ELK4: variants seen among roughly 807,000 people sequenced by gnomAD.
ELK4 encodes ETS domain-containing protein Elk-4.
In ELK4, 16 loss-of-function variants were observed where a neutral mutation model predicts 29.6. The observed-to-expected ratio is 0.54, with a 90% CI of 0.37 to 0.82. The LOEUF (loss-of-function observed/expected upper bound fraction) is 0.82. ELK4 is among the 40% of genes least tolerant of loss of function. The probability of loss-of-function intolerance (pLI) is 0.00; values close to 1 mark genes in which losing one functional copy is unlikely to be tolerated. For synonymous variants in ELK4, 213 were observed against 191.1 expected (o/e 1.11, Z -0.95); for missense variants, 465 against 507.1 (o/e 0.92, Z 0.80).
chr1:205,620,457 T>C lies in ELK4; in HGVS notation c.589A>G (p.Lys197Glu). Reference sequence around the variant, plus strand: ...GCAACAGGTTCAACCGGTGGCTTTTTGGAAGGTGTCGTGACAAATTTGATG... The same window carrying C: ...GCAACAGGTTCAACCGGTGGCTTTTCGGAAGGTGTCGTGACAAATTTGATG... ...SVIKFVTTPS[K>E]KPPVEPVAAT... Residue 197 changes from lysine to glutamate, a missense_variant, in exon 3 of 5, where the codon AAA becomes GAA. Lys to Glu is a moderately conservative substitution (Grantham distance 56, BLOSUM62 1). Around this residue, in one of 2 missense-constraint regions of ELK4, gnomAD observed 385 missense variants for 387.5 expected, o/e 0.99. Coordinates refer to ENST00000357992, the MANE Select transcript of ELK4 (RefSeq NM_001973.4). The C allele has an allele frequency of 6.2e-7, 1 of 1,614,186 alleles. No homozygotes were observed. The highest frequency in any genetic ancestry group is 8.5e-7 in the Non-Finnish European group (1 of 1,180,036).
Position 205,609,013 on chromosome 1 carries a change from T to A in ELK4, c.*7533A>T, listed in dbSNP as rs1263167735. 5.3e-6 allele frequency: 1 copy of A among 188,470 alleles called. No homozygotes were observed. Among genetic ancestry groups the A allele is most frequent in the Non-Finnish European group, 1.1e-5 (1 of 89,524 alleles). 11.7% of individuals were successfully genotyped at this position (188,470 alleles called of 1,614,324 possible). On this transcript the variant is annotated 3_prime_UTR_variant, in exon 5 of 5. Coordinates refer to ENST00000357992, the MANE Select transcript of ELK4 (RefSeq NM_001973.4). ...TAAGAGTTTATTATTAAGCATCTTT[T>A]AATTTTTAAGTGATGTTCATACTTG...
In ELK4 at chr1:205,615,390, C is replaced by CAAAAAAAAA. The variant is rs67904643; in HGVS notation, c.*1147_*1155dup. On this transcript the variant is annotated 3_prime_UTR_variant, in exon 5 of 5. Coordinates refer to ENST00000357992, the MANE Select transcript of ELK4 (RefSeq NM_001973.4). ...TGGGTGATAGAGCAAGACTCTGTCT[C>CAAAAAAAAA]AAAAAAAAAAAAAAAAAAAAAAAAA... The CAAAAAAAAA allele has an allele frequency of 5.6e-5, 3 of 53,188 alleles. No homozygotes were observed. Among genetic ancestry groups the CAAAAAAAAA allele is most frequent in the Non-Finnish European group, 7.0e-5 (2 of 28,644 alleles). 3.3% of individuals were successfully genotyped at this position (53,188 alleles called of 1,614,324 possible).
At position 205,625,880 on chromosome 1, in the gene ELK4, T is replaced by C. The variant is rs1670444934; in HGVS notation, c.-9-1989A>G. Reference sequence around the variant, plus strand: ...TTTTAGTAGAGGTGGGGTTTCACCATGTTGGTCAGGCTGGTCTTGAACTCC... The same window carrying C: ...TTTTAGTAGAGGTGGGGTTTCACCACGTTGGTCAGGCTGGTCTTGAACTCC... On this transcript the variant is annotated intron_variant, in intron 1 of 4. Transcript: ENST00000357992. 4 of 664,304 alleles carry C rather than the reference T, an allele frequency of 6.0e-6. No individual in the cohort carries two copies. In the South Asian group the frequency reaches 6.1e-5, roughly 10 times the overall value. The allele number at this position is 664,304 out of a possible 1,614,324, so 41.2% of individuals were successfully genotyped here. A position where few individuals can be genotyped will look rare whatever the true frequency, so the allele number is the denominator to read the frequency against.
At position 205,623,667 on chromosome 1, in the gene ELK4, G is replaced by A; in HGVS notation, c.207+9C>T. 6.2e-7 allele frequency: 1 copy of A among 1,613,520 alleles called. No individual in the cohort carries two copies. The highest frequency in any genetic ancestry group is 8.5e-7 in the Non-Finnish European group (1 of 1,179,652). On this transcript the variant is annotated intron_variant, in intron 2 of 4. Coordinates refer to ENST00000357992, the MANE Select transcript of ELK4 (RefSeq NM_001973.4). ...TCTCTGTATAGTATAAGATCAGGAT[G>A]TGTACTACCTTTACATAATAGTATC...
In ELK4 at chr1:205,613,448, G is replaced by A. The variant is rs1318184702; in HGVS notation, c.*3098C>T. 4 of 184,556 alleles carry A rather than the reference G, an allele frequency of 2.2e-5. No homozygotes were observed. The highest frequency in any genetic ancestry group is 9.4e-5 in the African/African-American group (4 of 42,502). 11.4% of individuals were successfully genotyped at this position (184,556 alleles called of 1,614,324 possible). On this transcript the variant is annotated 3_prime_UTR_variant, in exon 5 of 5. Transcript: ENST00000357992. ...AAGAAAAAATTATTTTAGAAATTATGTGAAAATCCACTCTTGGGTGGAGTA... is the reference window on the plus strand; with the variant it reads ...AAGAAAAAATTATTTTAGAAATTATATGAAAATCCACTCTTGGGTGGAGTA...
intron 1 of ELK4, among the ~76,000 whole-genome samples, chr1:205,630,713 T>C (rs1670564391): frequency 1.3e-5 from 2 of 152,220 alleles, no homozygotes; most frequent in South Asian, 4.1e-4. Context: ...CTTACGCAGT[T>C]TTAATGTTTA....
intron 1 of ELK4, among the ~76,000 whole-genome samples, chr1:205,625,009 AT>A (rs1670425321): frequency 2.0e-5 from 3 of 152,330 alleles, no homozygotes; most frequent in South Asian, 2.1e-4. Context: ...TAAGAATCTT[AT>A]GATTGAATAC....
Position 205,608,740 on chromosome 1 carries a change from C to T in ELK4, c.*7806G>A, listed in dbSNP as rs891548204. 2 of 192,512 alleles carry T rather than the reference C, an allele frequency of 1.0e-5. No individual in the cohort carries two copies. The highest frequency in any genetic ancestry group is 6.1e-5 in the Admixed American group (1 of 16,348). The allele number at this position is 192,512 out of a possible 1,614,324, so 11.9% of individuals were successfully genotyped here. A position where few individuals can be genotyped will look rare whatever the true frequency, so the allele number is the denominator to read the frequency against. On this transcript the variant is annotated 3_prime_UTR_variant, in exon 5 of 5. Transcript: ENST00000357992. ...AAGTATCTCTACAAAGTGTTAGATA[C>T]TGGATATGAGATACAGATTTCAATA...
In ELK4 at chr1:205,612,650, TAAAAGG is replaced by T. The variant is rs935049285; in HGVS notation, c.*3890_*3895del. The T allele has an allele frequency of 8.1e-5, 17 of 209,120 alleles. No individual in the cohort carries two copies. The highest frequency in any genetic ancestry group is 1.7e-4 in the Non-Finnish European group (17 of 102,958). The allele number at this position is 209,120 out of a possible 1,614,324, so 13.0% of individuals were successfully genotyped here. ...AATGTGCTTACATTCACCAAAAACA[TAAAAGG>T]ACACCTTTAAGAACTTAAGAATCAT... On this transcript the variant is annotated 3_prime_UTR_variant, in exon 5 of 5. Coordinates refer to ENST00000357992, the MANE Select transcript of ELK4 (RefSeq NM_001973.4).
chr1:205,616,320 C>A lies in ELK4; in HGVS notation c.*226G>T. The stretch of plus-strand genomic sequence containing the variant: ...AGGAAAGAAAAAGAAAAGGAAAAGA[C>A]AGAGGGAGGTGGAGTTTAGACTCCA... On this transcript the variant is annotated 3_prime_UTR_variant, in exon 5 of 5. Transcript: ENST00000357992. 2 of 411,296 alleles carry A rather than the reference C, an allele frequency of 4.9e-6. No homozygotes were observed. Among genetic ancestry groups the A allele is most frequent in the African/African-American group, 2.0e-5 (1 of 50,514 alleles). 25.5% of individuals were successfully genotyped at this position (411,296 alleles called of 1,614,324 possible).
At chr1:205,622,229 A>C (rs957285480) in intron 2 of ELK4, among the ~76,000 whole-genome samples, 16 of 152,164 alleles carry the variant, frequency 1.1e-4, no homozygotes, top group African/African-American at 3.1e-4. Flanking sequence ...AACAAACAAA[A>C]AAAAGTGAAA....
chr1:205,620,830 G>C lies in ELK4; in HGVS notation c.216C>G (p.Ile72Met). Residue 72 changes from isoleucine to methionine, a missense_variant, in exon 3 of 5, where the codon ATC becomes ATG. Physicochemically the swap from Ile to Met is conservative, Grantham distance 10 (BLOSUM62 1). Around this residue, in one of 2 missense-constraint regions of ELK4, gnomAD observed 385 missense variants for 387.5 expected, o/e 0.99. Transcript: ENST00000357992. ...CAAACTTCTGACCATTCACTTTTTT[G>C]ATGATATTCTGTAGGTTAAAAAAAA... ...ALRYYYVKNI[I>M]KKVNGQKFVY... 1 of 1,607,162 alleles carries C rather than the reference G, an allele frequency of 6.2e-7. No homozygotes were observed.
rs1425617650 is a variant in ELK4, at chr1:205,616,458, T to C, written c.*88A>G. 5.9e-6 allele frequency: 7 copies of C among 1,193,740 alleles called. No individual in the cohort carries two copies. Among genetic ancestry groups the C allele is most frequent in the Middle Eastern group, 1.9e-4 (1 of 5,238 alleles). The allele number at this position is 1,193,740 out of a possible 1,614,324, so 73.9% of individuals were successfully genotyped here. A position where few individuals can be genotyped will look rare whatever the true frequency, so the allele number is the denominator to read the frequency against. ...TCACAATAGTCTATTATCAGCATTG[T>C]AGAACTATCAATTGCTCACTTCAAA... On this transcript the variant is annotated 3_prime_UTR_variant, in exon 5 of 5. Transcript: ENST00000357992.
chr1:205,622,085 A>C (rs796259435), intron 2 of ELK4, among the ~76,000 whole-genome samples: 22 of 152,036 alleles, frequency 1.4e-4, no homozygotes, highest in African/African-American at 5.3e-4. Context: ...GTGGTGGTGC[A>C]TGTCTGTAGT....
At position 205,610,365 on chromosome 1, in the gene ELK4, C is replaced by G. The variant is rs576105594; in HGVS notation, c.*6181G>C. 93 of 231,248 alleles carry G rather than the reference C, an allele frequency of 4.0e-4. No individual in the cohort carries two copies. The highest frequency in any genetic ancestry group is 7.3e-4 in the Non-Finnish European group (85 of 116,802). 14.3% of individuals were successfully genotyped at this position (231,248 alleles called of 1,614,324 possible). On this transcript the variant is annotated 3_prime_UTR_variant, in exon 5 of 5. Transcript: ENST00000357992. ...CAGTTTAAAAGGATAAATTAGGCCA[C>G]AATACCAGCATTCCTCCACTACTGT...
At chr1:205,628,192 C>T (rs1033201981) in intron 1 of ELK4, among the ~76,000 whole-genome samples, 6 of 152,174 alleles carry the variant, frequency 3.9e-5, no homozygotes, top group Admixed American at 3.3e-4. Context: ...TTTTATACTA[C>T]GGCCATTAAG....
intron 1 of ELK4, chr1:205,625,582 T>C (rs918802047): frequency 4.4e-5 from 50 of 1,146,274 alleles, no homozygotes; most frequent in Non-Finnish European, 6.6e-6. Flanking sequence ...CCGGTGATAG[T>C]AGAAAAGGCT....
intron 3 of ELK4, 29 bp from the exon 4 acceptor site, chr1:205,619,102 T>A (rs1044410792): frequency 6.8e-7 from 1 of 1,480,178 alleles, no homozygotes; most frequent in South Asian, 1.3e-5. Context: ...AAATATTCAC[T>A]GACTGACTTA....
chr1:205,628,166 G>A (rs557124631), intron 1 of ELK4, among the ~76,000 whole-genome samples: 3 of 152,246 alleles, frequency 2.0e-5, no homozygotes, highest in South Asian at 2.1e-4. Flanking sequence ...TCACTTAAGC[G>A]GGGCTAAAAT....
Sources: allele counts gnomAD v4.1 joint callset (sites outside exome capture counted in the v4.1 genomes callset), GRCh38; gene constraint gnomAD v4.1.1; regional missense constraint gnomAD v4.1.1; transcripts MANE v1.5; gene names NCBI Gene and HGNC (gene_info 2026-07-23, HGNC 2026-07-21).